Variants in PAPPA observed in about 807,000 individuals in gnomAD.
The protein encoded by PAPPA is pappalysin 1, also known as pappalysin-1.
Under a neutral mutation model 164.0 loss-of-function variants are expected in PAPPA, and 60 were observed. The observed-to-expected ratio is 0.37, with a 90% CI of 0.30 to 0.45. PAPPA has a LOEUF of 0.45. Among genes scored for constraint, PAPPA ranks in the 20% least tolerant of loss-of-function variants. The pLI is 1.00. For missense variants in PAPPA, 1,782 were observed against 2,087.3 expected, an observed-to-expected ratio of 0.85 and a Z score of 2.85; for synonymous variants, 875 against 814.1, an observed-to-expected ratio of 1.07 and a Z score of -1.27.
At chr9:116,258,029 A>T (rs1451673839) in intron 7 of PAPPA, among the ~76,000 whole-genome samples, 2 of 152,042 alleles carry the variant, frequency 1.3e-5, no homozygotes, top group Admixed American at 6.5e-5. Context: ...ATAAAAAATC[A>T]TCACCATTTT....
intron 4 of PAPPA, among the ~76,000 whole-genome samples, chr9:116,218,978 A>G (rs2118702323): frequency 6.6e-6 from 1 of 152,192 alleles, no homozygotes; most frequent in Admixed American, 6.5e-5. Context: ...AGATGTTACT[A>G]CTCATATTTT....
chr9:116,342,499 A>G (rs1190964582), intron 13 of PAPPA, among the ~76,000 whole-genome samples: 1 of 152,198 alleles, frequency 6.6e-6, no homozygotes, highest in Non-Finnish European at 1.5e-5. Flanking sequence ...GGTCTTTAAA[A>G]AAGTAAATTG....
In PAPPA at chr9:116,396,751, A is replaced by C; in HGVS notation, c.*135A>C. 1.6e-6 allele frequency: 1 copy of C among 618,432 alleles called. No homozygotes were observed. The highest frequency in any genetic ancestry group is 2.9e-6 in the Non-Finnish European group (1 of 341,810). 38.3% of individuals were successfully genotyped at this position (618,432 alleles called of 1,614,324 possible). A position where few individuals can be genotyped will look rare whatever the true frequency, so the allele number is the denominator to read the frequency against. ...TTAGCACCCAACCGGTCTGCCTTTAATTTTACCCAGGAAGGACTCACATTG... is the reference window on the plus strand; with the variant it reads ...TTAGCACCCAACCGGTCTGCCTTTACTTTTACCCAGGAAGGACTCACATTG... On this transcript the variant is annotated 3_prime_UTR_variant, in exon 22 of 22. Coordinates refer to ENST00000328252, the MANE Select transcript of PAPPA (RefSeq NM_002581.5).
At chr9:116,231,017 C>G (rs558958235) in intron 6 of PAPPA, among the ~76,000 whole-genome samples, 115 of 151,850 alleles carry the variant, frequency 7.6e-4, no homozygotes, top group Non-Finnish European at 9.6e-4. Context: ...TAACTATTCA[C>G]CTGGAAAAAA....
chr9:116,379,494 A>G (rs1763115176), intron 20 of PAPPA, among the ~76,000 whole-genome samples: 1 of 152,168 alleles, frequency 6.6e-6, no homozygotes, highest in South Asian at 2.1e-4. Flanking sequence ...CAGTGAAAAT[A>G]GTAACTATGC....
At chr9:116,371,528 C>T (rs1846573808) in intron 19 of PAPPA, among the ~76,000 whole-genome samples, 1 of 152,180 alleles carries the variant, frequency 6.6e-6, no homozygotes, top group African/African-American at 2.4e-5. Context: ...CACCCATACA[C>T]ATACTACCCA....
At chr9:116,234,296 T>A (rs1844633249) in intron 6 of PAPPA, among the ~76,000 whole-genome samples, 1 of 152,038 alleles carries the variant, frequency 6.6e-6, no homozygotes, top group African/African-American at 2.4e-5. Flanking sequence ...GAAGAAACCC[T>A]CCTTCCTTCT....
At chr9:116,159,267 G>T (rs1319880701) in intron 1 of PAPPA, among the ~76,000 whole-genome samples, 1 of 152,172 alleles carries the variant, frequency 6.6e-6, no homozygotes, top group African/African-American at 2.4e-5. Flanking sequence ...CATGCAAAAA[G>T]TACCCAGTGC....
chr9:116,236,961 A>G (rs1252574979), intron 7 of PAPPA, among the ~76,000 whole-genome samples: 1 of 152,232 alleles, frequency 6.6e-6, no homozygotes, highest in East Asian at 1.9e-4. Flanking sequence ...TTAATCTACA[A>G]AAAGGATAGA....
At chr9:116,184,248 A>G (rs1843942969) in intron 1 of PAPPA, among the ~76,000 whole-genome samples, 1 of 152,168 alleles carries the variant, frequency 6.6e-6, no homozygotes, top group South Asian at 2.1e-4. Flanking sequence ...CTCACTTCAA[A>G]TCTGGAGTTG....
At chr9:116,285,171 C>CTTTTTTTTTTTTTTT in intron 9 of PAPPA, among the ~76,000 whole-genome samples, 8 of 89,482 alleles carry the variant, frequency 8.9e-5, no homozygotes, top group Non-Finnish European at 1.4e-4. Flanking sequence ...TTCTTTCTTT[C>CTTTTTTTTTTTTTTT]TTTTTTTTTT....
intron 21 of PAPPA, among the ~76,000 whole-genome samples, chr9:116,392,479 G>A (rs73518558): frequency 2.6e-5 from 4 of 152,124 alleles, no homozygotes; most frequent in Non-Finnish European, 5.9e-5. Context: ...CTAGCATATA[G>A]AAATCATCTG....
intron 9 of PAPPA, chr9:116,288,811 A>G (rs1337199893): frequency 6.6e-6 from 1 of 151,844 alleles, no homozygotes; most frequent in Non-Finnish European, 1.5e-5. Flanking sequence ...TAGCAGGAGG[A>G]TGGTCTTTGA....
intron 2 of PAPPA, among the ~76,000 whole-genome samples, 159 bp from the exon 3 acceptor site, chr9:116,207,297 A>G (rs879790638): frequency 2.0e-5 from 3 of 152,154 alleles, no homozygotes; most frequent in Admixed American, 6.6e-5. Context: ...GTAAAATGGA[A>G]TCATCTTACT....
intron 10 of PAPPA, among the ~76,000 whole-genome samples, chr9:116,312,162 C>T (rs1476064872): frequency 2.0e-5 from 3 of 152,152 alleles, no homozygotes; most frequent in Non-Finnish European, 4.4e-5. Flanking sequence ...TATCTCATTA[C>T]CTTCATTCTC....
rs1181088987 is a variant in PAPPA at position 116,400,077 on chromosome 9, C to A, written c.*3461C>A. The A allele has an allele frequency of 6.6e-6, 1 of 152,198 alleles. No homozygotes were observed. The highest frequency in any genetic ancestry group is 1.5e-5 in the Non-Finnish European group (1 of 67,988). The allele number at this position is 152,198 out of a possible 1,614,324, so 9.4% of individuals were successfully genotyped here. A position where few individuals can be genotyped will look rare whatever the true frequency, so the allele number is the denominator to read the frequency against. On this transcript the variant is annotated 3_prime_UTR_variant, in exon 22 of 22. Coordinates refer to ENST00000328252, the MANE Select transcript of PAPPA (RefSeq NM_002581.5). ...AAAGGAAATTATAAGGTCAAGTTAA[C>A]AGTTTTGAGGTTTTGTGTTTTTTTC...
chr9:116,306,407 C>T (rs1433625044), intron 10 of PAPPA, among the ~76,000 whole-genome samples: 1 of 152,162 alleles, frequency 6.6e-6, no homozygotes, highest in African/African-American at 2.4e-5. Flanking sequence ...CAGTGTTTCT[C>T]GTTCATTCTT....
intron 1 of PAPPA, among the ~76,000 whole-genome samples, chr9:116,172,522 T>A (rs903238109): frequency 6.6e-6 from 1 of 152,210 alleles, no homozygotes; most frequent in Admixed American, 6.5e-5. Context: ...TTGCCAAATG[T>A]TCCCTGTGAG....
At chr9:116,352,048 A>G (rs183440050) in intron 15 of PAPPA, among the ~76,000 whole-genome samples, 106 of 152,324 alleles carry the variant, frequency 7.0e-4, no homozygotes, top group African/African-American at 2.4e-3. Context: ...TCCCCATCAG[A>G]CCAGCTTCCC....
Sources: gnomAD v4.1 joint callset for allele counts (sites outside exome capture counted in the v4.1 genomes callset) on GRCh38, gnomAD v4.1.1 for gene constraint, MANE v1.5 for transcripts, NCBI Gene and HGNC (gene_info 2026-07-23, HGNC 2026-07-21) for gene names.